ZDHHC14: variants seen among roughly 807,000 people sequenced by gnomAD.
ZDHHC14 encodes the protein palmitoyltransferase ZDHHC14.
A neutral mutation model predicts 47.7 loss-of-function variants in ZDHHC14; 16 were observed. That is an observed-to-expected ratio of 0.34 (90% CI 0.23 to 0.51). The LOEUF is 0.51. Among genes scored for constraint, ZDHHC14 ranks in the 20% least tolerant of loss-of-function variants. The pLI is 0.97. For missense variants in ZDHHC14, 515 were observed against 662.5 expected (o/e 0.78, Z 2.44); for synonymous variants, 293 against 278.9 (o/e 1.05, Z -0.50).
At chr6:157,659,195 G>A (rs149331743) in intron 8 of ZDHHC14, among the ~76,000 whole-genome samples, 1 of 152,226 alleles carries the variant, frequency 6.6e-6, no homozygotes, top group Non-Finnish European at 1.5e-5. Flanking sequence ...AAACTGGAGG[G>A]GAAGAGAAGA....
intron 1 of ZDHHC14, among the ~76,000 whole-genome samples, chr6:157,526,083 A>G (rs558213861): frequency 1.3e-5 from 2 of 152,230 alleles, no homozygotes; most frequent in African/African-American, 4.8e-5. Flanking sequence ...AACCAAAACA[A>G]GAAACAGCAG....
intron 1 of ZDHHC14, among the ~76,000 whole-genome samples, chr6:157,465,105 C>CTTTTTTTTTTTTTTTTTTTTTTTTCT (rs772080368): frequency 2.0e-5 from 2 of 102,006 alleles, no homozygotes; most frequent in African/African-American, 3.9e-5. Flanking sequence ...TCTCTTTCTC[C>CTTTTTTTTTTTTTTTTTTTTTTTTCT]TTTTTTTTTT....
At chr6:157,601,712 A>AT (rs1784342129) in intron 3 of ZDHHC14, among the ~76,000 whole-genome samples, 1 of 152,262 alleles carries the variant, frequency 6.6e-6, no homozygotes, top group African/African-American at 2.4e-5. Flanking sequence ...TGATATTATG[A>AT]GGTCCTGTGA....
rs990612441 is a variant in ZDHHC14 at position 157,653,090 on chromosome 6, C to T, written c.966-435C>T. Among the ~76,000 whole-genome samples the T allele has an allele frequency of 2.7e-4, 41 of 152,298 alleles. 1 individual carries two copies. The South Asian group carries it at 4.6e-3, about 17-fold the overall frequency. ...TGGCGGGGCTGTGGCTCTGTTCCCA[C>T]GTGGCAGGCGGTCATTTCCCACACG... On this transcript the variant is annotated intron_variant, in intron 7 of 8. Coordinates refer to ENST00000359775, the MANE Select transcript of ZDHHC14 (RefSeq NM_024630.3).
intron 3 of ZDHHC14, among the ~76,000 whole-genome samples, chr6:157,619,714 G>GT (rs11305726): frequency 7.5e-4 from 110 of 147,212 alleles, no homozygotes; most frequent in South Asian, 1.5e-3. Flanking sequence ...TTTAGGGTTT[G>GT]TTTTTTTTTT....
intron 1 of ZDHHC14, among the ~76,000 whole-genome samples, chr6:157,507,041 T>C (rs1780344471): frequency 6.6e-6 from 1 of 152,188 alleles, no homozygotes; most frequent in Admixed American, 6.5e-5. Flanking sequence ...GTTTTTGGTA[T>C]TCTAAGTAAT....
chr6:157,673,038 C>A lies in ZDHHC14; in HGVS notation c.1383C>A (p.Arg461=). 6.4e-7 allele frequency: 1 copy of A among 1,566,390 alleles called. No homozygotes were observed. Residue 461 remains arginine, a synonymous_variant, in exon 9 of 9, where the codon CGC becomes CGA. Transcript: ENST00000359775. This position sits in a 1 kb window ranked among gnomAD's most constrained non-coding sequence, Gnocchi z 5.4. The part of the protein sequence containing the change: ...LAAGSPLAHS[R]TMHVLGLASQ... ...CGGGCAGCCCCCTGGCGCACAGCCG[C>A]ACCATGCACGTGCTGGGCCTGGCCA... is the stretch of plus-strand genomic sequence containing the variant.
intron 8 of ZDHHC14, among the ~76,000 whole-genome samples, chr6:157,659,760 G>A (rs939161391): frequency 3.9e-5 from 6 of 152,222 alleles, no homozygotes; most frequent in South Asian, 2.1e-4. Flanking sequence ...CAAGCAATCC[G>A]TCGTCTTCCT....
chr6:157,562,617 G>A (rs1370202994), intron 2 of ZDHHC14, among the ~76,000 whole-genome samples: 1 of 152,188 alleles, frequency 6.6e-6, no homozygotes, highest in African/African-American at 2.4e-5. Flanking sequence ...GACACTCGAT[G>A]AGCCACCTGA....
Position 157,673,530 on chromosome 6 carries a change from A to T in ZDHHC14, c.*408A>T, listed in dbSNP as rs3177561. On this transcript the variant is annotated 3_prime_UTR_variant, in exon 9 of 9. Coordinates refer to ENST00000359775, the MANE Select transcript of ZDHHC14 (RefSeq NM_024630.3). The surrounding 1 kb of genome is among the most constrained non-coding windows in gnomAD (Gnocchi z 5.4). The stretch of plus-strand genomic sequence containing the variant: ...AGACCTGCCATTCCATTTGTTAATT[A>T]AAAAAAAAAAAAATCCTAAAGGGAA... 24,876 of 129,290 alleles carry T rather than the reference A, an allele frequency of 0.19. 2,418 individuals carry two copies. The highest frequency in any genetic ancestry group is 0.29 in the Admixed American group (4,063 of 14,146). 8.0% of individuals were successfully genotyped at this position (129,290 alleles called of 1,614,324 possible).
intron 1 of ZDHHC14, among the ~76,000 whole-genome samples, chr6:157,466,481 T>C (rs1779219657): frequency 6.6e-6 from 1 of 152,244 alleles, no homozygotes; most frequent in South Asian, 2.1e-4. Context: ...AAATATGTGT[T>C]ATTTAAAAAA....
intron 1 of ZDHHC14, among the ~76,000 whole-genome samples, chr6:157,458,679 G>A (rs9347278): frequency 0.24 from 35,974 of 151,816 alleles, 4,600 homozygotes; most frequent in East Asian, 0.41. Flanking sequence ...ACAATGAGTG[G>A]CGCATCTTGT....
At chr6:157,407,958 C>G (rs1417980553) in intron 1 of ZDHHC14, among the ~76,000 whole-genome samples, 1 of 152,052 alleles carries the variant, frequency 6.6e-6, no homozygotes, top group South Asian at 2.1e-4. Context: ...TAAGTGCTGC[C>G]GTGTTGCTAG....
intron 1 of ZDHHC14, among the ~76,000 whole-genome samples, chr6:157,442,376 C>G (rs2114793303): frequency 6.6e-6 from 1 of 152,292 alleles, no homozygotes; most frequent in South Asian, 2.1e-4. Context: ...GAGCGAGACT[C>G]TGTCAAAAAA....
intron 2 of ZDHHC14, among the ~76,000 whole-genome samples, chr6:157,589,487 G>A (rs1487153528): frequency 6.6e-6 from 1 of 152,120 alleles, no homozygotes. Context: ...GGGACCCAGT[G>A]GGAGGTAATT....
intron 1 of ZDHHC14, among the ~76,000 whole-genome samples, chr6:157,517,129 C>A (rs1270168537): frequency 6.6e-6 from 1 of 152,154 alleles, no homozygotes; most frequent in East Asian, 1.9e-4. Context: ...GGGCCTCATT[C>A]CTCTCCTTGG....
intron 1 of ZDHHC14, among the ~76,000 whole-genome samples, chr6:157,399,805 G>A (rs562603305): frequency 1.1e-4 from 16 of 152,214 alleles, no homozygotes; most frequent in Non-Finnish European, 2.2e-4. Flanking sequence ...TGATCCTGAT[G>A]CCCCACATGG....
At chr6:157,555,762 T>G (rs2114830860) in intron 2 of ZDHHC14, among the ~76,000 whole-genome samples, 1 of 152,182 alleles carries the variant, frequency 6.6e-6, no homozygotes, top group South Asian at 2.1e-4. Flanking sequence ...CCCACCCCTG[T>G]GTATTGCAGG....
At position 157,502,237 on chromosome 6, in the gene ZDHHC14, G is replaced by A. The variant is rs1403440612; in HGVS notation, c.246-40348G>A. On this transcript the variant is annotated intron_variant, in intron 1 of 8. Transcript: ENST00000359775. The surrounding 1 kb of genome is among the most constrained non-coding windows in gnomAD (Gnocchi z 4.0). ...AACACCTTCCTTTAAGATATGCACAGCCTAGAAGGGAAGACCAAGAAAGTC... is the reference window on the plus strand; with the variant it reads ...AACACCTTCCTTTAAGATATGCACAACCTAGAAGGGAAGACCAAGAAAGTC... Among the ~76,000 whole-genome samples the A allele has an allele frequency of 6.6e-6, 1 of 152,154 alleles. No homozygotes were observed. Among genetic ancestry groups the A allele is most frequent in the Admixed American group, 6.5e-5 (1 of 15,276 alleles).
Sources: gnomAD v4.1 joint callset for allele counts (sites outside exome capture counted in the v4.1 genomes callset) on GRCh38, gnomAD v4.1.1 for gene constraint, Gnocchi (gnomAD v3.1) non-coding constraint, MANE v1.5 for transcripts, NCBI Gene and HGNC (gene_info 2026-07-23, HGNC 2026-07-21) for gene names.